Variants in EPC2 observed in about 807,000 individuals in gnomAD.
The protein encoded by EPC2 is enhancer of polycomb homolog 2.
EPC2 carries 14 observed loss-of-function variants against 92.1 expected under a neutral mutation model. The ratio of observed to expected loss-of-function variants is 0.15; its 90% confidence interval spans 0.10 to 0.24. The LOEUF is 0.24. EPC2 is among the 10% of genes least tolerant of loss of function. The probability of loss-of-function intolerance (pLI) is 1.00; values close to 1 mark genes in which losing one functional copy is unlikely to be tolerated. For missense variants in EPC2, 755 were observed against 971.5 expected, an observed-to-expected ratio of 0.78 and a Z score of 2.96; for synonymous variants, 340 against 334.7, an observed-to-expected ratio of 1.02 and a Z score of -0.17.
Position 148,787,149 on chromosome 2 carries a change from A to G in EPC2, c.*772A>G, listed in dbSNP as rs1683884277. On this transcript the variant is annotated 3_prime_UTR_variant, in exon 14 of 14. Transcript: ENST00000258484. ...GTGCAAATATGAAAATTTTTCGAGG[A>G]TTACATTTTATCTGAAGGCTGCATA... 6.5e-6 allele frequency: 1 copy of G among 152,674 alleles called. No individual in the cohort carries two copies. Among genetic ancestry groups the G allele is most frequent in the Non-Finnish European group, 1.5e-5 (1 of 68,050 alleles). 9.5% of individuals were successfully genotyped at this position (152,674 alleles called of 1,614,324 possible). A position where few individuals can be genotyped will look rare whatever the true frequency, so the allele number is the denominator to read the frequency against.
intron 4 of EPC2, among the ~76,000 whole-genome samples, chr2:148,757,477 G>A (rs1683214719): frequency 6.6e-6 from 1 of 152,140 alleles, no homozygotes; most frequent in Non-Finnish European, 1.5e-5. Flanking sequence ...TCTGTTCACT[G>A]AGAGTCTCTA....
At chr2:148,763,615 T>C (rs1683346403) in intron 6 of EPC2, among the ~76,000 whole-genome samples, 1 of 152,168 alleles carries the variant, frequency 6.6e-6, no homozygotes, top group African/African-American at 2.4e-5. Flanking sequence ...TTCTTAAAGG[T>C]CAAGAAAGAG....
intron 2 of EPC2, among the ~76,000 whole-genome samples, chr2:148,740,690 C>G (rs1160564252): frequency 1.6e-4 from 25 of 152,046 alleles, no homozygotes; most frequent in Admixed American, 1.5e-3. Context: ...GATGGTCATG[C>G]AAAATTTGTA....
intron 1 of EPC2, among the ~76,000 whole-genome samples, chr2:148,661,360 C>T (rs1243878582): frequency 6.6e-6 from 1 of 151,960 alleles, no homozygotes; most frequent in Non-Finnish European, 1.5e-5. Context: ...CTGTTGATTT[C>T]TATGTTAATT....
chr2:148,645,181 G>C lies in EPC2; in HGVS notation c.153+11G>C. The stretch of plus-strand genomic sequence containing the variant: ...AAGGAGGAGGAATCGGTAGGGACTC[G>C]AGTGTTTATTACCCCCCCTTCCCTC... On this transcript the variant is annotated intron_variant, in intron 1 of 13. Coordinates refer to ENST00000258484, the MANE Select transcript of EPC2 (RefSeq NM_015630.4). 1 of 1,598,948 alleles carries C rather than the reference G, an allele frequency of 6.3e-7. No individual in the cohort carries two copies. The highest frequency in any genetic ancestry group is 8.5e-7 in the Non-Finnish European group (1 of 1,172,608).
intron 2 of EPC2, chr2:148,692,944 T>A (rs946426280): frequency 9.8e-5 from 15 of 152,354 alleles, no homozygotes; most frequent in Admixed American, 8.5e-4. Flanking sequence ...TACTGCATAC[T>A]ATACAGTATC....
At chr2:148,680,516 A>G (rs574884243) in intron 1 of EPC2, among the ~76,000 whole-genome samples, 3 of 152,226 alleles carry the variant, frequency 2.0e-5, no homozygotes, top group South Asian at 2.1e-4. Context: ...GTGCACTTCT[A>G]TATCTTGAGG....
Position 148,645,953 on chromosome 2 carries a change from C to T in EPC2, c.153+783C>T, listed in dbSNP as rs555688113. Among the ~76,000 whole-genome samples, 664 of 152,348 alleles carry T rather than the reference C, an allele frequency of 4.4e-3. 2 individuals are homozygous for T. Among genetic ancestry groups the T allele is most frequent in the Non-Finnish European group, 7.4e-3 (500 of 68,020 alleles). On this transcript the variant is annotated intron_variant, in intron 1 of 13. Transcript: ENST00000258484. Reference sequence around the variant, plus strand: ...CGAGGTGGTCCTTAGAAGTTGAGGACCTAGTGCATCTAAATTGGCAGTTGT... The same window carrying T: ...CGAGGTGGTCCTTAGAAGTTGAGGATCTAGTGCATCTAAATTGGCAGTTGT...
At position 148,787,230 on chromosome 2, in the gene EPC2, G is replaced by A. The variant is rs1683886011; in HGVS notation, c.*853G>A. ...ACATAAAAGATACTTTACCAGGTAT[G>A]TATTGCATTATATCATTGCAATAAT... On this transcript the variant is annotated 3_prime_UTR_variant, in exon 14 of 14. Transcript: ENST00000258484. 6.8e-6 allele frequency: 1 copy of A among 147,214 alleles called. No homozygotes were observed. The highest frequency in any genetic ancestry group is 2.5e-5 in the African/African-American group (1 of 40,020). The allele number at this position is 147,214 out of a possible 1,614,324, so 9.1% of individuals were successfully genotyped here.
chr2:148,758,845 A>G (rs991408914), intron 4 of EPC2, among the ~76,000 whole-genome samples: 1 of 152,220 alleles, frequency 6.6e-6, no homozygotes, highest in Non-Finnish European at 1.5e-5. Context: ...ATACAATACC[A>G]CTTTTGTGGT....
chr2:148,721,712 C>CTTTTTTTTTTTTTTTTTTT (rs34017461), intron 2 of EPC2, among the ~76,000 whole-genome samples: 13 of 111,524 alleles, frequency 1.2e-4, no homozygotes, highest in East Asian at 2.5e-4. Flanking sequence ...CTGTTTTATT[C>CTTTTTTTTTTTTTTTTTTT]TTTTTTTTTT....
chr2:148,765,122 C>T lies in EPC2; in HGVS notation c.1116C>T (p.Ser372=). The T allele has an allele frequency of 1.9e-6, 3 of 1,569,348 alleles. No homozygotes were observed. The South Asian group carries it at 3.7e-5, about 19-fold the overall frequency. The part of the protein sequence containing the change: ...KSDIKQYDFH[S]SDEDEFPQVL... ...ACATTAAGCAATATGATTTTCACAG[C>T]TCAGATGAAGATGAATTTCCACAGG... The change falls in exon 7 of 14, where the codon AGC becomes AGT. Residue 372 remains serine (S), a synonymous_variant. Transcript: ENST00000258484.
Position 148,688,869 on chromosome 2 carries a change from G to T in EPC2, c.154-1345G>T, listed in dbSNP as rs531770518. 1.3e-3 allele frequency among the ~76,000 whole-genome samples: 198 copies of T among 152,250 alleles called. 1 individual carries two copies. Among genetic ancestry groups the T allele is most frequent in the African/African-American group, 4.6e-3 (191 of 41,542 alleles). ...CCTCCTTGGAACTTACTTTATGCTAGGGGGAGAGGGGCAGTAAACAAATGA... is the reference window on the plus strand; with the variant it reads ...CCTCCTTGGAACTTACTTTATGCTATGGGGAGAGGGGCAGTAAACAAATGA... On this transcript the variant is annotated intron_variant, in intron 1 of 13. Transcript: ENST00000258484.
At chr2:148,717,483 T>C (rs1682283792) in intron 2 of EPC2, among the ~76,000 whole-genome samples, 1 of 152,228 alleles carries the variant, frequency 6.6e-6, no homozygotes, top group South Asian at 2.1e-4. Context: ...GATTTCTGCC[T>C]TTATTTCATT....
intron 2 of EPC2, among the ~76,000 whole-genome samples, chr2:148,734,556 A>G (rs1205284126): frequency 6.6e-6 from 1 of 152,132 alleles, no homozygotes; most frequent in Non-Finnish European, 1.5e-5. Flanking sequence ...TGATCTACTA[A>G]TAGGGTATAG....
rs149741277 is a variant in EPC2 at position 148,688,302 on chromosome 2, T to C, written c.154-1912T>C. Among the ~76,000 whole-genome samples, 742 of 152,040 alleles carry C rather than the reference T, an allele frequency of 4.9e-3. 9 individuals are homozygous for C. Among genetic ancestry groups the C allele is most frequent in the African/African-American group, 0.016 (657 of 41,428 alleles). ...GGAAACCATCATTCTCAGCAAACTA[T>C]TGCAAGGGCAAAAAATCAAACACCA... On this transcript the variant is annotated intron_variant, in intron 1 of 13. Coordinates refer to ENST00000258484, the MANE Select transcript of EPC2 (RefSeq NM_015630.4).
intron 4 of EPC2, among the ~76,000 whole-genome samples, chr2:148,761,214 C>G (rs1160588054): frequency 2.0e-5 from 3 of 152,200 alleles, no homozygotes; most frequent in Non-Finnish European, 2.9e-5. Flanking sequence ...GTTACATTTA[C>G]ATTGAAAATT....
intron 2 of EPC2, among the ~76,000 whole-genome samples, chr2:148,728,321 T>C (rs1682538683): frequency 6.6e-6 from 1 of 152,220 alleles, no homozygotes; most frequent in Non-Finnish European, 1.5e-5. Flanking sequence ...TTGTTTGTTT[T>C]GCTTAATAAT....
chr2:148,750,367 T>G (rs2105413460), intron 3 of EPC2, among the ~76,000 whole-genome samples: 1 of 152,186 alleles, frequency 6.6e-6, no homozygotes, highest in East Asian at 1.9e-4. Context: ...TTTTCTTTTT[T>G]GATGTAGGCA....
Sources: gnomAD v4.1 joint callset for allele counts (sites outside exome capture counted in the v4.1 genomes callset) on GRCh38, gnomAD v4.1.1 for gene constraint, MANE v1.5 for transcripts, NCBI Gene and HGNC (gene_info 2026-07-23, HGNC 2026-07-21) for gene names.